The following BANF2 variants were observed in gnomAD, a reference collection of about 807,000 sequenced individuals.
BANF2 encodes barrier-to-autointegration factor-like protein.
Under a neutral mutation model 8.0 loss-of-function variants are expected in BANF2, and 4 were observed. That is an observed-to-expected ratio of 0.50 (90% CI 0.25 to 1.14). BANF2 has a LOEUF of 1.14. Ranked by LOEUF, BANF2 falls within the 50% of genes most tolerant of loss-of-function variation. The pLI is 0.16. For synonymous variants in BANF2, 50 were observed against 40.6 expected, an observed-to-expected ratio of 1.23 and a Z score of -0.88; for missense variants, 96 against 107.5, an observed-to-expected ratio of 0.89 and a Z score of 0.47.
chr20:17,724,715 G>T (rs1600225793), intron 2 of BANF2, among the ~76,000 whole-genome samples: 1 of 152,152 alleles, frequency 6.6e-6, no homozygotes, highest in African/African-American at 2.4e-5. Flanking sequence ...TTAGAATGGG[G>T]TGAGTTGGAA....
At chr20:17,715,290 C>T (rs558468760) in intron 1 of BANF2, among the ~76,000 whole-genome samples, 95 of 152,288 alleles carry the variant, frequency 6.2e-4, no homozygotes, top group Middle Eastern at 3.4e-3. Flanking sequence ...TGTGCCCTGC[C>T]GTGGGCTGGT....
At chr20:17,710,125 T>C (rs1448832712) in intron 1 of BANF2, among the ~76,000 whole-genome samples, 1 of 152,172 alleles carries the variant, frequency 6.6e-6, no homozygotes. Flanking sequence ...GCTGGGTACT[T>C]ACCCACCTAC....
At chr20:17,724,671 T>G (rs529806141) in intron 2 of BANF2, among the ~76,000 whole-genome samples, 3 of 152,356 alleles carry the variant, frequency 2.0e-5, no homozygotes, top group Non-Finnish European at 2.9e-5. Context: ...GGTGGGTTAA[T>G]TAGCTAAGAG....
chr20:17,718,667 C>T (rs2037688467), intron 1 of BANF2, among the ~76,000 whole-genome samples: 2 of 152,252 alleles, frequency 1.3e-5, no homozygotes, highest in African/African-American at 4.8e-5. Flanking sequence ...TTTGTGATCA[C>T]CTCCTTATGA....
chr20:17,718,991 A>C (rs966662158), intron 1 of BANF2, among the ~76,000 whole-genome samples: 5 of 152,218 alleles, frequency 3.3e-5, no homozygotes, highest in African/African-American at 9.7e-5. Context: ...CAAGTGCTTA[A>C]GCTGTCCATA....
intron 1 of BANF2, among the ~76,000 whole-genome samples, chr20:17,710,995 G>C (rs2037562700): frequency 6.6e-6 from 1 of 152,194 alleles, no homozygotes; most frequent in Non-Finnish European, 1.5e-5. Flanking sequence ...TTACATTTCA[G>C]ATAAACAAGA....
At chr20:17,697,317 C>T (rs954193586), upstream of BANF2, among the ~76,000 whole-genome samples, 23 of 152,274 alleles carry the variant, frequency 1.5e-4, no homozygotes, top group African/African-American at 5.1e-4. Context: ...GGGGGTAGCA[C>T]ATTCAGGCCT....
intron 3 of BANF2, among the ~76,000 whole-genome samples, chr20:17,733,443 C>A (rs181454060): frequency 2.6e-5 from 4 of 152,274 alleles, no homozygotes; most frequent in East Asian, 1.9e-4. Context: ...ATGAACATTT[C>A]TCTTTATGGA....
chr20:17,706,069 C>T (rs768942596), intron 1 of BANF2, among the ~76,000 whole-genome samples: 2 of 152,152 alleles, frequency 1.3e-5, no homozygotes, highest in African/African-American at 4.8e-5. Flanking sequence ...CTTAGGAAAA[C>T]GCAGCCACCC....
At chr20:17,728,166 C>T (rs555605055) in intron 3 of BANF2, among the ~76,000 whole-genome samples, 1 of 152,306 alleles carries the variant, frequency 6.6e-6, no homozygotes, top group East Asian at 1.9e-4. Flanking sequence ...CCCGTCCCAC[C>T]CCAGGCTGGG....
At chr20:17,715,832 T>G (rs1214073969) in intron 1 of BANF2, among the ~76,000 whole-genome samples, 1 of 152,228 alleles carries the variant, frequency 6.6e-6, no homozygotes, top group Non-Finnish European at 1.5e-5. Flanking sequence ...AATGACTATT[T>G]TGTTTATTTT....
At chr20:17,728,583 A>G (rs1488101897) in intron 3 of BANF2, among the ~76,000 whole-genome samples, 6 of 152,068 alleles carry the variant, frequency 3.9e-5, no homozygotes, top group African/African-American at 1.4e-4. Context: ...GGGTGCTGGG[A>G]GGGGACTGTT....
chr20:17,693,842 G>A (rs546392555), intron 1 of BANF2: 766 of 1,046,602 alleles, frequency 7.3e-4, no homozygotes, highest in Non-Finnish European at 9.1e-4. Context: ...AATTCTTTTC[G>A]GAACGTGTCT....
At chr20:17,725,223 T>A (rs1005072365) in intron 3 of BANF2, 72 bp downstream of exon 3, 2 of 1,509,972 alleles carry the variant, frequency 1.3e-6, no homozygotes, top group East Asian at 2.3e-5. Flanking sequence ...CAGATGGCAG[T>A]TCCTGCCACG....
chr20:17,734,695 C>T lies in BANF2; in HGVS notation c.127-970C>T, dbSNP rs1302782076. ...GGGGAGGGAGGGTGCCACCGGCATG[C>T]GTAGAGATCAGGGGTGCTGCTGAAC... On this transcript the variant is annotated intron_variant, in intron 3 of 3. Transcript: ENST00000246090. 2.6e-5 allele frequency among the ~76,000 whole-genome samples: 4 copies of T among 152,110 alleles called. No individual in the cohort carries two copies. In the South Asian group the frequency reaches 6.2e-4, roughly 24 times the overall value.
At chr20:17,735,617 C>A in intron 3 of BANF2, 48 bp from the exon 4 acceptor site, 1 of 1,587,970 alleles carries the variant, frequency 6.3e-7, no homozygotes. Flanking sequence ...TCTGAGCTGG[C>A]TTATGATAAC....
At chr20:17,707,007 G>A (rs907888923) in intron 1 of BANF2, among the ~76,000 whole-genome samples, 2 of 152,160 alleles carry the variant, frequency 1.3e-5, no homozygotes, top group Non-Finnish European at 2.9e-5. Context: ...CACACAGAGG[G>A]AAGAGACCGG....
intron 1 of BANF2, among the ~76,000 whole-genome samples, chr20:17,721,166 A>C (rs1220428712): frequency 6.6e-6 from 1 of 151,928 alleles, no homozygotes; most frequent in African/African-American, 2.4e-5. Context: ...GAGTAGCCTC[A>C]TGTTTCAGAG....
rs372876139 is a variant in BANF2, at chr20:17,735,697, G to A, written c.159G>A (p.Met53Ile). The part of the protein sequence containing the change: ...AYILLGQFLL[M>I]HKNEAEFQRW... ...TCCTGCTGGGACAATTCCTTCTGAT[G>A]CACAAGAATGAAGCCGAGTTTCAGA... Residue 53 changes from methionine to isoleucine, a missense_variant, in exon 4 of 4, where the codon ATG (methionine) becomes ATA (isoleucine). By Grantham distance (10) the Met-to-Ile change is conservative. Coordinates refer to ENST00000246090, the MANE Select transcript of BANF2 (RefSeq NM_178477.5). 32 of 1,613,798 alleles carry A rather than the reference G, an allele frequency of 2.0e-5. No individual in the cohort carries two copies. Among genetic ancestry groups the A allele is most frequent in the Non-Finnish European group, 2.7e-5 (32 of 1,179,860 alleles).
Sources: allele counts gnomAD v4.1 joint callset (sites outside exome capture counted in the v4.1 genomes callset), GRCh38; gene constraint gnomAD v4.1.1; transcripts MANE v1.5; gene names NCBI Gene and HGNC (gene_info 2026-07-23, HGNC 2026-07-21).